PSMA5: variants seen among roughly 807,000 people sequenced by gnomAD.
PSMA5 encodes proteasome subunit alpha type-5.
In PSMA5, 3 loss-of-function variants were observed where a neutral mutation model predicts 34.5. The ratio of observed to expected loss-of-function variants is 0.09; its 90% CI spans 0.04 to 0.22. The LOEUF is 0.22. PSMA5 is among the 10% of genes least tolerant of loss of function. The pLI, the probability that PSMA5 is intolerant of heterozygous loss-of-function variation, is 1.00. For missense variants in PSMA5, 120 were observed against 286.1 expected (o/e 0.42, Z 4.19); for synonymous variants, 88 against 95.8 (o/e 0.92, Z 0.47).
intron 2 of PSMA5, among the ~76,000 whole-genome samples, chr1:109,418,104 A>G (rs1177305970): frequency 1.3e-5 from 2 of 152,048 alleles, no homozygotes; most frequent in African/African-American, 4.8e-5. Context: ...ATGTGCCTGT[A>G]GCTGGGGGCT....
At chr1:109,421,790 T>A in intron 2 of PSMA5, 70 bp downstream of exon 2, 2 of 1,250,654 alleles carry the variant, frequency 1.6e-6, no homozygotes, top group Admixed American at 2.2e-5. Flanking sequence ...CCACATTTAC[T>A]CCAAGTGTTC....
chr1:109,418,873 G>C (rs958221992), intron 2 of PSMA5, among the ~76,000 whole-genome samples: 2 of 152,190 alleles, frequency 1.3e-5, no homozygotes, highest in Non-Finnish European at 2.9e-5. Context: ...AATTATTTCT[G>C]GCCAAACACG....
At chr1:109,415,477 T>C in intron 2 of PSMA5, 114 bp from the exon 3 acceptor site, 1 of 1,132,844 alleles carries the variant, frequency 8.8e-7, no homozygotes. Context: ...GGCCACATCT[T>C]ATAGGCAGAG....
chr1:109,402,237 A>G (rs1653564260), intron 8 of PSMA5, 147 bp from the exon 9 acceptor site: 1 of 532,038 alleles, frequency 1.9e-6, no homozygotes, highest in Non-Finnish European at 3.2e-6. Flanking sequence ...TCCAGGCAGC[A>G]GGTCCCTAAA....
At chr1:109,418,652 C>T (rs1654312354) in intron 2 of PSMA5, among the ~76,000 whole-genome samples, 1 of 151,994 alleles carries the variant, frequency 6.6e-6, no homozygotes, top group African/African-American at 2.4e-5. Context: ...GCTATGTTGC[C>T]CAGGCTAGTC....
Position 109,419,807 on chromosome 1 carries a change from A to AC in PSMA5, c.96+2052_96+2053insG, listed in dbSNP as rs1255798384. On this transcript the variant is annotated intron_variant, in intron 2 of 8. Coordinates refer to ENST00000271308, the MANE Select transcript of PSMA5 (RefSeq NM_002790.4). ...GAGTGAGACTCCGTCTCAAAAAAAA[A>AC]AAAAAAAAAAAAAAAAACAAGCCGC... 8.0e-3 allele frequency among the ~76,000 whole-genome samples: 704 copies of AC among 88,320 alleles called. 11 individuals carry two copies. The highest frequency in any genetic ancestry group is 0.021 in the African/African-American group (676 of 32,360). 57.9% of individuals were successfully genotyped at this position (88,320 alleles called of 152,430 possible).
At chr1:109,418,868 T>C (rs1654321648) in intron 2 of PSMA5, among the ~76,000 whole-genome samples, 2 of 152,212 alleles carry the variant, frequency 1.3e-5, no homozygotes, top group South Asian at 2.1e-4. Flanking sequence ...TTAAAAATTA[T>C]TTCTGGCCAA....
At chr1:109,418,712 T>C (rs1243464240) in intron 2 of PSMA5, among the ~76,000 whole-genome samples, 1 of 152,064 alleles carries the variant, frequency 6.6e-6, no homozygotes, top group Non-Finnish European at 1.5e-5. Context: ...CCCAAAGTAC[T>C]GAGATTATAG....
chr1:109,411,230 A>C (rs1653977052), intron 6 of PSMA5, 117 bp from the exon 7 acceptor site: 1 of 660,916 alleles, frequency 1.5e-6, no homozygotes, highest in Non-Finnish European at 2.7e-6. Flanking sequence ...AACACCACTG[A>C]AATATTGAGG....
At chr1:109,420,300 G>A (rs1304791665) in intron 2 of PSMA5, among the ~76,000 whole-genome samples, 1 of 152,174 alleles carries the variant, frequency 6.6e-6, no homozygotes, top group Non-Finnish European at 1.5e-5. Context: ...ATTGTGTGTG[G>A]TGGGGAGTAG....
At chr1:109,407,230 G>A (rs1292615138) in intron 8 of PSMA5, among the ~76,000 whole-genome samples, 2 of 152,096 alleles carry the variant, frequency 1.3e-5, no homozygotes, top group Non-Finnish European at 2.9e-5. Context: ...CTCGTGATCC[G>A]CCAGCCTCGG....
intron 2 of PSMA5, among the ~76,000 whole-genome samples, chr1:109,420,752 C>G (rs1654408430): frequency 6.6e-6 from 1 of 152,036 alleles, no homozygotes. Flanking sequence ...CTTTTGTCCC[C>G]ACCAGACATT....
intron 8 of PSMA5, 79 bp from the exon 9 acceptor site, chr1:109,402,169 G>A: frequency 9.9e-7 from 1 of 1,011,204 alleles, no homozygotes; most frequent in Non-Finnish European, 1.5e-6. Flanking sequence ...GAGAAGCTGT[G>A]TTGGTGATGC....
chr1:109,411,689 T>C (rs530115076), intron 6 of PSMA5, among the ~76,000 whole-genome samples, 188 bp downstream of exon 6: 31 of 152,234 alleles, frequency 2.0e-4, no homozygotes, highest in African/African-American at 7.5e-4. Context: ...GGCATGATCA[T>C]AGCTCACTAC....
chr1:109,422,881 AC>A (rs2100975546), intron 1 of PSMA5, among the ~76,000 whole-genome samples: 1 of 152,354 alleles, frequency 6.6e-6, no homozygotes, highest in African/African-American at 2.4e-5. Context: ...CCTAATTCTA[AC>A]CTAGTTCATT....
chr1:109,406,385 C>T lies in PSMA5; in HGVS notation c.648+3543G>A, dbSNP rs554803405. The stretch of plus-strand genomic sequence containing the variant: ...GAAATGTAACAGAATTGATGCAACA[C>T]AGGTGAATCTCAAAATCATGCCAAG... On this transcript the variant is annotated intron_variant, in intron 8 of 8. Coordinates refer to ENST00000271308, the MANE Select transcript of PSMA5 (RefSeq NM_002790.4). 1.8e-4 allele frequency among the ~76,000 whole-genome samples: 28 copies of T among 152,264 alleles called. No homozygotes were observed. In the East Asian group the frequency reaches 3.9e-3, roughly 21 times the overall value.
intron 2 of PSMA5, 65 bp downstream of exon 2, chr1:109,421,795 G>T: frequency 7.7e-7 from 1 of 1,294,276 alleles, no homozygotes; most frequent in Non-Finnish European, 1.1e-6. Context: ...TTTACTCCAA[G>T]TGTTCTGCCA....
chr1:109,424,902 G>A (rs552981728), intron 1 of PSMA5, among the ~76,000 whole-genome samples: 1 of 152,148 alleles, frequency 6.6e-6, no homozygotes, highest in Non-Finnish European at 1.5e-5. Context: ...CAGGAGAATC[G>A]CTTGAACCCA....
intron 1 of PSMA5, among the ~76,000 whole-genome samples, chr1:109,422,815 C>G (rs1654501710): frequency 6.6e-6 from 1 of 152,314 alleles, no homozygotes; most frequent in South Asian, 2.1e-4. Flanking sequence ...GTACATTTCT[C>G]TACTTATTTG....
Sources: gnomAD v4.1 joint callset for allele counts (sites outside exome capture counted in the v4.1 genomes callset) on GRCh38, gnomAD v4.1.1 for gene constraint, MANE v1.5 for transcripts, NCBI Gene and HGNC (gene_info 2026-07-23, HGNC 2026-07-21) for gene names.